The following RAD52 variants were observed in gnomAD, a reference collection of about 807,000 sequenced individuals.
RAD52 encodes RAD52 DNA repair protein, also known as DNA repair protein RAD52 homolog.
Under a neutral mutation model 55.5 loss-of-function variants are expected in RAD52, and 47 were observed. That is an observed-to-expected ratio of 0.85 (90% CI 0.67 to 1.08). The LOEUF is 1.08. Among genes scored for constraint, RAD52 ranks in the 50% least tolerant of loss-of-function variants. The pLI is 0.00. For synonymous variants in RAD52, 184 were observed against 198.9 expected (o/e 0.92, Z 0.63); for missense variants, 468 against 522.8 (o/e 0.90, Z 1.02).
At chr12:975,164 A>G (rs1958919045) in intron 1 of RAD52, 1 of 148,540 alleles carries the variant, frequency 6.7e-6, no homozygotes, top group Non-Finnish European at 1.5e-5. Flanking sequence ...TAATATGTAT[A>G]TAGGGTTTGG....
intron 1 of RAD52, among the ~76,000 whole-genome samples, chr12:978,669 G>A (rs892935029): frequency 6.6e-6 from 1 of 152,064 alleles, no homozygotes; most frequent in Admixed American, 6.5e-5. Flanking sequence ...TGGGCATGGC[G>A]GCGTGCACCT....
intron 5 of RAD52, among the ~76,000 whole-genome samples, chr12:928,205 G>A (rs1957143110): frequency 6.6e-6 from 1 of 152,150 alleles, no homozygotes; most frequent in East Asian, 1.9e-4. Context: ...AATTAATGCT[G>A]AATTGTTCAT....
At chr12:982,273 G>A (rs1959027724) in intron 1 of RAD52, among the ~76,000 whole-genome samples, 2 of 152,134 alleles carry the variant, frequency 1.3e-5, no homozygotes, top group East Asian at 1.9e-4. Context: ...CCTGGCTTGC[G>A]CTGAGAAAGC....
At chr12:946,244 T>G (rs1016892664) in intron 1 of RAD52, among the ~76,000 whole-genome samples, 1 of 152,194 alleles carries the variant, frequency 6.6e-6, no homozygotes, top group East Asian at 1.9e-4. Context: ...ATATTAAAAA[T>G]GAGTGCCTTG....
At chr12:945,470 G>C (rs1958166034) in intron 1 of RAD52, among the ~76,000 whole-genome samples, 1 of 150,860 alleles carries the variant, frequency 6.6e-6, no homozygotes, top group Non-Finnish European at 1.5e-5. Flanking sequence ...GAGACACTCT[G>C]TTGCCCAGGC....
intron 1 of RAD52, among the ~76,000 whole-genome samples, chr12:942,541 G>A (rs1387775054): frequency 6.6e-6 from 1 of 152,146 alleles, no homozygotes; most frequent in East Asian, 1.9e-4. Context: ...AAGGTCAAGA[G>A]TTCAAGACCA....
At chr12:932,218 G>A (rs1412071011) in intron 2 of RAD52, among the ~76,000 whole-genome samples, 1 of 152,048 alleles carries the variant, frequency 6.6e-6, no homozygotes, top group Non-Finnish European at 1.5e-5. Flanking sequence ...ATTAAGCCCG[G>A]GCGTGGTGGC....
At chr12:986,614 C>T (rs979884829) in intron 1 of RAD52, among the ~76,000 whole-genome samples, 14 of 152,268 alleles carry the variant, frequency 9.2e-5, no homozygotes, top group Admixed American at 7.8e-4. Flanking sequence ...ATCTTCTTGT[C>T]TCAGCCTCCA....
chr12:971,039 G>C (rs1958842996), intron 1 of RAD52, among the ~76,000 whole-genome samples: 1 of 152,072 alleles, frequency 6.6e-6, no homozygotes, highest in Non-Finnish European at 1.5e-5. Flanking sequence ...TTTTTCCATG[G>C]AATTTTATCA....
chr12:947,169 A>C (rs1184143779), intron 1 of RAD52, among the ~76,000 whole-genome samples: 1 of 151,800 alleles, frequency 6.6e-6, no homozygotes. Flanking sequence ...TCTACTAAAA[A>C]TACAAAATTA....
chr12:931,154 G>T, intron 3 of RAD52, 66 bp downstream of exon 3: 1 of 1,317,326 alleles, frequency 7.6e-7, no homozygotes, highest in Non-Finnish European at 1.1e-6. Context: ...CCCAGAGAGG[G>T]AACTGGCAAG....
chr12:926,374 T>G (rs560037380), intron 6 of RAD52, among the ~76,000 whole-genome samples: 20 of 151,922 alleles, frequency 1.3e-4, no homozygotes, highest in Non-Finnish European at 2.8e-4. Context: ...GGTGGTGTTA[T>G]GTGCCTGTGA....
intron 2 of RAD52, among the ~76,000 whole-genome samples, 199 bp from the exon 3 acceptor site, chr12:931,520 TCACCA>T (rs1055700094): frequency 3.9e-5 from 6 of 152,168 alleles, no homozygotes; most frequent in African/African-American, 1.4e-4. Context: ...AGCAGTGACA[TCACCA>T]CATATCATGC....
intron 1 of RAD52, among the ~76,000 whole-genome samples, chr12:973,764 C>G (rs1483561204): frequency 6.7e-6 from 1 of 150,136 alleles, no homozygotes; most frequent in Non-Finnish European, 1.5e-5. Flanking sequence ...CAGGCATGAG[C>G]CACCACGCCC....
At chr12:962,366 A>G (rs1381798233) in intron 1 of RAD52, among the ~76,000 whole-genome samples, 6 of 145,492 alleles carry the variant, frequency 4.1e-5, no homozygotes, top group South Asian at 2.2e-4. Context: ...TTTGAGACGG[A>G]GTCTTGCTCT....
At chr12:923,174 A>G (rs1197934962) in intron 7 of RAD52, among the ~76,000 whole-genome samples, 1 of 151,688 alleles carries the variant, frequency 6.6e-6, no homozygotes, top group Non-Finnish European at 1.5e-5. Flanking sequence ...TTTAAAAAAG[A>G]AAAAAAGATC....
At chr12:927,413 A>G in intron 5 of RAD52, 150 bp from the exon 6 acceptor site, 1 of 681,214 alleles carries the variant, frequency 1.5e-6, no homozygotes, top group Non-Finnish European at 2.6e-6. Flanking sequence ...GTGAGAATCC[A>G]TCGCGAGTGC....
intron 1 of RAD52, among the ~76,000 whole-genome samples, chr12:939,429 C>G (rs779411690): frequency 6.6e-6 from 1 of 152,092 alleles, no homozygotes; most frequent in Non-Finnish European, 1.5e-5. Flanking sequence ...GGATTACAGA[C>G]GTGAGCCACT....
At chr12:986,745 CT>C (rs373962428) in intron 1 of RAD52, among the ~76,000 whole-genome samples, 13,418 of 133,534 alleles carry the variant, frequency 0.1, 673 homozygotes, top group African/African-American at 0.17. Context: ...ATCTTCTAAG[CT>C]TTTTTTTTTT....
Sources: allele counts gnomAD v4.1 joint callset (sites outside exome capture counted in the v4.1 genomes callset), GRCh38; gene constraint gnomAD v4.1.1; transcripts MANE v1.5; gene names NCBI Gene and HGNC (gene_info 2026-07-23, HGNC 2026-07-21).